Variants in PPIL2 observed in about 807,000 individuals in gnomAD.
PPIL2 encodes RING-type E3 ubiquitin-protein ligase PPIL2.
PPIL2 carries 50 observed loss-of-function variants against 75.2 expected under a neutral mutation model. The ratio of observed to expected loss-of-function variants is 0.66; its 90% confidence interval spans 0.53 to 0.84. The LOEUF is 0.84. Among genes scored for constraint, PPIL2 ranks in the 40% least tolerant of loss-of-function variants. The pLI, the probability that PPIL2 is intolerant of heterozygous loss-of-function variation, is 0.00. For synonymous variants in PPIL2, 245 were observed against 258.8 expected, an observed-to-expected ratio of 0.95 and a Z score of 0.51; for missense variants, 590 against 685.0, an observed-to-expected ratio of 0.86 and a Z score of 1.55.
intron 6 of PPIL2, among the ~76,000 whole-genome samples, chr22:21,676,061 T>C: frequency 6.6e-6 from 1 of 152,232 alleles, no homozygotes; most frequent in East Asian, 1.9e-4. Context: ...AGGGAGATGC[T>C]GTAGCACCTG....
intron 10 of PPIL2, chr22:21,685,827 C>G (rs1601566505): frequency 5.6e-6 from 2 of 355,316 alleles, no homozygotes; most frequent in Non-Finnish European, 1.1e-5. Flanking sequence ...TTTTCCCCGA[C>G]CCCTGATTAA....
intron 7 of PPIL2, among the ~76,000 whole-genome samples, chr22:21,682,056 C>T (rs912928030): frequency 1.1e-4 from 16 of 152,204 alleles, no homozygotes; most frequent in African/African-American, 2.9e-4. Flanking sequence ...TAGACCGCAC[C>T]GCAGGAGTGC....
intron 2 of PPIL2, chr22:21,670,311 T>C: frequency 6.7e-7 from 1 of 1,495,508 alleles, no homozygotes; most frequent in South Asian, 1.3e-5. Flanking sequence ...GTCAAAACTA[T>C]CAAGACTACA....
At chr22:21,675,220 A>G in intron 6 of PPIL2, 105 bp downstream of exon 6, 1 of 1,110,262 alleles carries the variant, frequency 9.0e-7, no homozygotes, top group South Asian at 1.3e-5. Flanking sequence ...TGACCAAGCT[A>G]GACACCTGCT....
In PPIL2 at chr22:21,696,907, T is replaced by TA; in HGVS notation, c.*1418dup. 6.3e-7 allele frequency: 1 copy of TA among 1,593,828 alleles called. No homozygotes were observed. The highest frequency in any genetic ancestry group is 8.5e-7 in the Non-Finnish European group (1 of 1,170,822). ...CAGGCTGCCTGATGACCACTAGAGG[T>TA]ATGTCTGCCCCTCGTCACCCTGCTG... On this transcript the variant is annotated 3_prime_UTR_variant, in exon 20 of 20. Transcript: ENST00000398831.
Position 21,691,628 on chromosome 22 carries a change from C to T in PPIL2, c.1140-2188C>T, listed in dbSNP as rs552549934. 2.3e-3 allele frequency among the ~76,000 whole-genome samples: 353 copies of T among 151,706 alleles called. 2 individuals carry two copies. Among genetic ancestry groups the T allele is most frequent in the African/African-American group, 7.8e-3 (323 of 41,284 alleles). On this transcript the variant is annotated intron_variant, in intron 15 of 19. Coordinates refer to ENST00000398831, the MANE Select transcript of PPIL2 (RefSeq NM_014337.4). The stretch of plus-strand genomic sequence containing the variant: ...CCAGGAGGCAGAGCTTGCATTGAGC[C>T]GAGATCGCGCCACTGCACTCCAGCC...
At chr22:21,677,149 C>T (rs551324275) in intron 6 of PPIL2, among the ~76,000 whole-genome samples, 209 of 151,634 alleles carry the variant, frequency 1.4e-3, no homozygotes, top group Middle Eastern at 3.4e-3. Context: ...GGCTGCCGGG[C>T]GGAGGGGCTC....
chr22:21,699,928 C>T (rs1176140924), downstream of PPIL2: 1 of 152,386 alleles, frequency 6.6e-6, no homozygotes, highest in African/African-American at 2.4e-5. Context: ...CTCTGCGGGC[C>T]CCGGGACAGC....
At chr22:21,698,491 G>GAA (rs2068023289), downstream of PPIL2, 2 of 152,358 alleles carry the variant, frequency 1.3e-5, no homozygotes, top group Non-Finnish European at 2.9e-5. Context: ...GGACTTGGCT[G>GAA]TCCTCGCACC....
At chr22:21,675,176 C>A in intron 6 of PPIL2, 61 bp downstream of exon 6, 1 of 1,419,672 alleles carries the variant, frequency 7.0e-7, no homozygotes, top group African/African-American at 1.4e-5. Context: ...GCCCAGCTCT[C>A]ACCAGTTTTC....
chr22:21,675,019 A>C, intron 5 of PPIL2, 45 bp from the exon 6 acceptor site: 2 of 1,514,884 alleles, frequency 1.3e-6, no homozygotes, highest in Non-Finnish European at 1.8e-6. Context: ...TCTGTGCATC[A>C]GTTACTTATT....
Position 21,695,825 on chromosome 22 carries a change from T to C in PPIL2, c.*335T>C, listed in dbSNP as rs550944124. 2.6e-6 allele frequency: 3 copies of C among 1,171,764 alleles called. No homozygotes were observed. The African/African-American group carries it at 4.8e-5, about 19-fold the overall frequency. The allele number at this position is 1,171,764 out of a possible 1,614,324, so 72.6% of individuals were successfully genotyped here. A position where few individuals can be genotyped will look rare whatever the true frequency, so the allele number is the denominator to read the frequency against. The stretch of plus-strand genomic sequence containing the variant: ...GTGAGGAAGGACTGTGTCTCCAGAT[T>C]GTGGTTTCCTCTTTAAGACAGGGTC... On this transcript the variant is annotated 3_prime_UTR_variant, in exon 20 of 20. Coordinates refer to ENST00000398831, the MANE Select transcript of PPIL2 (RefSeq NM_014337.4).
rs2067857312 is a variant in PPIL2, at chr22:21,694,987, G to A, written c.1383G>A (p.Val461=). 6.2e-7 allele frequency: 1 copy of A among 1,613,808 alleles called. No homozygotes were observed. Among genetic ancestry groups the A allele is most frequent in the South Asian group, 1.1e-5 (1 of 91,088 alleles). Residue 461 remains valine (V), a synonymous_variant, in exon 19 of 20, where the codon GTG becomes GTA. Coordinates refer to ENST00000398831, the MANE Select transcript of PPIL2 (RefSeq NM_014337.4). ...TCAAGGTAGCCCCGGAGACCAAAGT[G>A]AAGAGCAGCCAGCCCCAGGCAGGGA... ...TQLKVAPETK[V]KSSQPQAGSQ... is the part of the protein sequence containing the mutation.
Position 21,695,139 on chromosome 22 carries a change from C to A in PPIL2, c.1466+69C>A. On this transcript the variant is annotated intron_variant, in intron 19 of 19. Coordinates refer to ENST00000398831, the MANE Select transcript of PPIL2 (RefSeq NM_014337.4). ...CTAGGGCTGACTGAGGTCTGAGGGT[C>A]AGACCCAGAGGGGCAAGCAAGCTAT... is the stretch of plus-strand genomic sequence containing the variant. The A allele has an allele frequency of 2.0e-6, 3 of 1,489,562 alleles. No individual in the cohort carries two copies. In the South Asian group the frequency reaches 3.9e-5, roughly 19 times the overall value. 92.3% of individuals were successfully genotyped at this position (1,489,562 alleles called of 1,614,324 possible). A position where few individuals can be genotyped will look rare whatever the true frequency, so the allele number is the denominator to read the frequency against.
In PPIL2 at chr22:21,675,096, C is replaced by T. The variant is rs760642164; in HGVS notation, c.276C>T (p.Asn92=). 1 of 1,613,484 alleles carries T rather than the reference C, an allele frequency of 6.2e-7. No individual in the cohort carries two copies. Among genetic ancestry groups the T allele is most frequent in the Non-Finnish European group, 8.5e-7 (1 of 1,179,450 alleles). Residue 92 remains asparagine (N), a synonymous_variant, in exon 6 of 20, where the codon AAC becomes AAT. Transcript: ENST00000398831. ...KLDGRSLIKL[N]FSKNSEGKYH... is the part of the protein sequence containing the mutation. ...ACGGGAGGTCCCTGATCAAGCTGAA[C>T]TTTTCCAAGAACAGTGAGGGTGAGT...
At chr22:21,688,553 GCGTGGGGGC>G (rs1156936581) in intron 14 of PPIL2, among the ~76,000 whole-genome samples, 170 bp from the exon 15 acceptor site, 3 of 152,180 alleles carry the variant, frequency 2.0e-5, no homozygotes, top group Non-Finnish European at 4.4e-5. Context: ...CTGTTTGGAG[GCGTGGGGGC>G]TCCAAGGGAC....
intron 1 of PPIL2, 70 bp from the exon 2 acceptor site, chr22:21,669,843 A>G: frequency 6.8e-7 from 1 of 1,463,420 alleles, no homozygotes; most frequent in Non-Finnish European, 9.6e-7. Flanking sequence ...AGCAAAGATT[A>G]CTCACTTCCA....
intron 7 of PPIL2, 61 bp downstream of exon 7, chr22:21,681,451 G>A: frequency 6.9e-7 from 1 of 1,446,762 alleles, no homozygotes; most frequent in Admixed American, 1.7e-5. Flanking sequence ...TGTGTTCCTA[G>A]TATACACTGG....
intron 6 of PPIL2, among the ~76,000 whole-genome samples, chr22:21,677,407 A>G (rs1003778561): frequency 7.9e-5 from 12 of 152,210 alleles, no homozygotes; most frequent in African/African-American, 2.9e-4. Context: ...CCTGGGCAAC[A>G]TTGAGCACTG....
Sources: gnomAD v4.1 joint callset for allele counts (sites outside exome capture counted in the v4.1 genomes callset) on GRCh38, gnomAD v4.1.1 for gene constraint, MANE v1.5 for transcripts, NCBI Gene and HGNC (gene_info 2026-07-23, HGNC 2026-07-21) for gene names.